The following SLC67A2 variants were observed in gnomAD, a reference collection of about 807,000 sequenced individuals.
SLC67A2 encodes solute carrier family 67 member 2, also known as solute carrier family 67 member A2.
the SLC67A2 span, among the ~76,000 whole-genome samples, chr2:102,730,544 C>CT: frequency 1.3e-5 from 2 of 151,416 alleles, no homozygotes; most frequent in East Asian, 3.9e-4. Flanking sequence ...TTGGTAATAA[C>CT]ATTTTTTTTT....
At chr2:102,735,885 C>A in the SLC67A2 span, among the ~76,000 whole-genome samples, 1 of 151,740 alleles carries the variant, frequency 6.6e-6, no homozygotes, top group Admixed American at 6.6e-5. Flanking sequence ...AACCAAACCG[C>A]CATTGTGCAA....
At chr2:102,727,373 C>T in the SLC67A2 span, among the ~76,000 whole-genome samples, 1 of 152,100 alleles carries the variant, frequency 6.6e-6, no homozygotes, top group Non-Finnish European at 1.5e-5. Flanking sequence ...ATGACCAATA[C>T]AAAAATACCT....
chr2:102,736,698 C>T, the SLC67A2 span: 3 of 1,613,480 alleles, frequency 1.9e-6, no homozygotes, highest in Non-Finnish European at 1.7e-6. Context: ...TCCGACGGCA[C>T]CGGAGTCGGC....
the SLC67A2 span, chr2:102,732,163 C>A: frequency 1.3e-6 from 1 of 743,720 alleles, no homozygotes; most frequent in Non-Finnish European, 2.4e-6. Context: ...ATTGCATTTG[C>A]TATAGGGTAA....
chr2:102,728,131 G>GA, the SLC67A2 span, among the ~76,000 whole-genome samples: 6,088 of 148,980 alleles, frequency 0.041, 194 homozygotes, highest in Non-Finnish European at 0.06. Flanking sequence ...AGCAATGTTT[G>GA]AAAAAAAAAA....
At chr2:102,718,674 C>A in the SLC67A2 span, 1 of 1,614,018 alleles carries the variant, frequency 6.2e-7, no homozygotes, top group African/African-American at 1.3e-5. Flanking sequence ...CACGTCCTGC[C>A]AATGGCAGTG....
chr2:102,726,816 G>GGA, the SLC67A2 span: 44 of 1,303,020 alleles, frequency 3.4e-5, no homozygotes, highest in African/African-American at 5.9e-5. Flanking sequence ...AGCTACGTTT[G>GGA]AAAAAAAAAA....
At chr2:102,726,849 C>A in the SLC67A2 span, 1 of 1,582,516 alleles carries the variant, frequency 6.3e-7, no homozygotes, top group Non-Finnish European at 8.5e-7. Flanking sequence ...ACTCACCTGC[C>A]GGGACTCTAG....
the SLC67A2 span, chr2:102,736,690 C>T: frequency 8.7e-6 from 14 of 1,613,468 alleles, no homozygotes; most frequent in South Asian, 1.3e-4. Flanking sequence ...CGGCGGGCTC[C>T]GACGGCACCG....
the SLC67A2 span, chr2:102,724,040 C>T: frequency 1.4e-6 from 1 of 718,644 alleles, no homozygotes; most frequent in African/African-American, 1.8e-5. Context: ...GCTATGCTCA[C>T]CACTATACCA....
At chr2:102,719,364 C>T in the SLC67A2 span, among the ~76,000 whole-genome samples, 3 of 152,122 alleles carry the variant, frequency 2.0e-5, no homozygotes, top group Non-Finnish European at 4.4e-5. Context: ...TTTCACCATT[C>T]CTATGGCTTT....
chr2:102,724,772 C>T, the SLC67A2 span, among the ~76,000 whole-genome samples: 1,705 of 152,304 alleles, frequency 0.011, 36 homozygotes, highest in African/African-American at 0.038. Context: ...ACTGTGCTGC[C>T]GCCGAGTGCT....
At chr2:102,727,029 A>T in the SLC67A2 span, 44 of 1,581,238 alleles carry the variant, frequency 2.8e-5, no homozygotes, top group Middle Eastern at 1.7e-4. Context: ...GACTACCACC[A>T]TGCAAATGAC....
the SLC67A2 span, among the ~76,000 whole-genome samples, chr2:102,730,770 C>T: frequency 5.2e-4 from 79 of 152,180 alleles, no homozygotes; most frequent in East Asian, 0.015. Context: ...AGGATGGTCT[C>T]GATCTCCTGA....
chr2:102,733,017 T>G, the SLC67A2 span, among the ~76,000 whole-genome samples: 3 of 152,218 alleles, frequency 2.0e-5, no homozygotes, highest in African/African-American at 7.2e-5. Context: ...TGCTGTCATC[T>G]GCAAAGGGTA....
the SLC67A2 span, chr2:102,718,728 TG>T: frequency 6.2e-7 from 1 of 1,613,834 alleles, no homozygotes; most frequent in Non-Finnish European, 8.5e-7. Context: ...GCACCCATGG[TG>T]GGGGCCAAGG....
the SLC67A2 span, among the ~76,000 whole-genome samples, chr2:102,732,626 G>C: frequency 6.6e-6 from 1 of 152,106 alleles, no homozygotes; most frequent in Non-Finnish European, 1.5e-5. Context: ...CACTCAAGGA[G>C]GATATGCTAC....
chr2:102,716,957 AG>A, the SLC67A2 span: 1 of 152,212 alleles, frequency 6.6e-6, no homozygotes, highest in African/African-American at 2.4e-5. Flanking sequence ...TGTTTAGACA[AG>A]AAATGGCACA....
the SLC67A2 span, among the ~76,000 whole-genome samples, chr2:102,732,692 T>C: frequency 6.6e-6 from 1 of 152,146 alleles, no homozygotes; most frequent in Non-Finnish European, 1.5e-5. Flanking sequence ...GGATAAGTCA[T>C]AAGAAAAAAT....
Sources: gnomAD v4.1 joint callset for allele counts (sites outside exome capture counted in the v4.1 genomes callset) on GRCh38, gnomAD v4.1.1 for gene constraint, MANE v1.5 for transcripts, NCBI Gene and HGNC (gene_info 2026-07-23, HGNC 2026-07-21) for gene names.